Variants in RNF169 observed in about 807,000 individuals in gnomAD.
RNF169 encodes ring finger protein 169, also known as E3 ubiquitin-protein ligase RNF169.
RNF169 carries 24 observed loss-of-function variants against 53.9 expected under a neutral mutation model. The observed-to-expected ratio is 0.45, with a 90% CI of 0.32 to 0.63. The LOEUF (loss-of-function observed/expected upper bound fraction) is 0.63. Among genes scored for constraint, RNF169 ranks in the 20% least tolerant of loss-of-function variants. The probability of loss-of-function intolerance (pLI) is 0.04; values close to 1 mark genes in which losing one functional copy is unlikely to be tolerated. For synonymous variants in RNF169, 396 were observed against 363.5 expected, an observed-to-expected ratio of 1.09 and a Z score of -1.02; for missense variants, 883 against 906.2, an observed-to-expected ratio of 0.97 and a Z score of 0.33.
intron 3 of RNF169, among the ~76,000 whole-genome samples, chr11:74,810,704 A>T (rs1434724416): frequency 6.6e-6 from 1 of 152,172 alleles, no homozygotes; most frequent in Non-Finnish European, 1.5e-5. Context: ...CATGTATTTT[A>T]CTTTCCTTTA....
At chr11:74,764,403 C>T (rs7932182) in intron 1 of RNF169, among the ~76,000 whole-genome samples, 2,873 of 152,260 alleles carry the variant, frequency 0.019, 105 homozygotes, top group African/African-American at 0.066. Flanking sequence ...TGTGGTGGCG[C>T]ATGCCTGTAA....
chr11:74,748,906 G>C lies in RNF169; in HGVS notation c.26G>C (p.Arg9Pro). The C allele has an allele frequency of 1.4e-6, 2 of 1,443,034 alleles. No individual in the cohort carries two copies. The highest frequency in any genetic ancestry group is 1.8e-6 in the Non-Finnish European group (2 of 1,087,220). The allele number at this position is 1,443,034 out of a possible 1,614,324, so 89.4% of individuals were successfully genotyped here. Residue 9 changes from arginine (R) to proline (P), a missense_variant, in exon 1 of 6, where the codon CGG becomes CCG. Coordinates refer to ENST00000299563, the MANE Select transcript of RNF169 (RefSeq NM_001098638.2). Reference sequence around the variant, plus strand: ...ATGGCGGCTGCAGGTCCGAGTACTCGGGCCTCTTCCGCGGCGGCAGCAGCC... The same window carrying C: ...ATGGCGGCTGCAGGTCCGAGTACTCCGGCCTCTTCCGCGGCGGCAGCAGCC... Reference protein sequence around the residue: MAAAGPSTRASSAAAAAAL... With the variant: MAAAGPSTPASSAAAAAAL...
At chr11:74,768,135 G>A (rs2035202618) in intron 1 of RNF169, among the ~76,000 whole-genome samples, 2 of 152,172 alleles carry the variant, frequency 1.3e-5, no homozygotes, top group South Asian at 4.1e-4. Context: ...TTGGTATCAG[G>A]GTGGTTGAAT....
Position 74,836,330 on chromosome 11 carries a change from T to C in RNF169, c.1727T>C (p.Val576Ala), listed in dbSNP as rs1340598393. The C allele has an allele frequency of 1.2e-6, 2 of 1,614,148 alleles. No homozygotes were observed. Among genetic ancestry groups the C allele is most frequent in the Non-Finnish European group, 8.5e-7 (1 of 1,180,028 alleles). Residue 576 changes from valine to alanine, a missense_variant, in exon 6 of 6, where the codon GTG becomes GCG. Around this residue, in one of 3 missense-constraint regions of RNF169, gnomAD observed 351 missense variants for 337.3 expected, o/e 1.04. Coordinates refer to ENST00000299563, the MANE Select transcript of RNF169 (RefSeq NM_001098638.2). ...ATGAAAATCACCACAGTTAATTCAG[T>C]GCTACCCCAAAACAGTGTTTTGGGT... ...RAMKITTVNSVLPQNSVLGGV... is the reference protein window; with the variant it reads ...RAMKITTVNSALPQNSVLGGV...
chr11:74,819,532 TAGTA>T (rs967708587), intron 4 of RNF169, among the ~76,000 whole-genome samples: 13 of 152,320 alleles, frequency 8.5e-5, no homozygotes, highest in African/African-American at 2.9e-4. Context: ...GTCTGGCACT[TAGTA>T]AGGGCTCAGT....
intron 1 of RNF169, among the ~76,000 whole-genome samples, chr11:74,776,096 A>C (rs1232042820): frequency 6.6e-6 from 1 of 152,186 alleles, no homozygotes; most frequent in Non-Finnish European, 1.5e-5. Context: ...CTAAATTCTT[A>C]TTAATGATGC....
intron 1 of RNF169, among the ~76,000 whole-genome samples, chr11:74,754,504 G>A (rs527671918): frequency 2.6e-5 from 4 of 152,086 alleles, no homozygotes; most frequent in Non-Finnish European, 4.4e-5. Flanking sequence ...TTATCTTCGT[G>A]GTGTTAAAAG....
intron 5 of RNF169, 88 bp downstream of exon 5, chr11:74,834,863 GAGA>G: frequency 1.2e-6 from 1 of 828,822 alleles, no homozygotes; most frequent in Admixed American, 2.7e-5. Flanking sequence ...TATTCCAGAA[GAGA>G]AGAAGCAGAA....
intron 2 of RNF169, among the ~76,000 whole-genome samples, chr11:74,789,955 AC>A (rs1404420680): frequency 1.3e-5 from 2 of 152,248 alleles, no homozygotes; most frequent in Non-Finnish European, 2.9e-5. Flanking sequence ...AGCTGCAGTA[AC>A]TGGCCACCAG....
intron 1 of RNF169, 129 bp downstream of exon 1, chr11:74,749,511 C>A (rs2034851291): frequency 2.6e-6 from 2 of 760,884 alleles, no homozygotes; most frequent in East Asian, 9.6e-5. Context: ...GGATTAGAAC[C>A]CGGGCTCTAC....
At chr11:74,770,704 A>T (rs1343591052) in intron 1 of RNF169, among the ~76,000 whole-genome samples, 1 of 147,896 alleles carries the variant, frequency 6.8e-6, no homozygotes, top group Non-Finnish European at 1.5e-5. Flanking sequence ...ATTCTATAAT[A>T]AATGAATTAA....
rs140407738 is a variant in RNF169, at chr11:74,786,244, C to CTT, written c.503-3365_503-3364dup. Reference sequence around the variant, plus strand: ...GTGAGCCACTGTGCCTGGCCTGTTTCTTTTTTTTTTTTTTTTTTAAGAGTT... The same window carrying CTT: ...GTGAGCCACTGTGCCTGGCCTGTTTCTTTTTTTTTTTTTTTTTTTTAAGAGTT... On this transcript the variant is annotated intron_variant, in intron 1 of 5. Coordinates refer to ENST00000299563, the MANE Select transcript of RNF169 (RefSeq NM_001098638.2). 7.2e-4 allele frequency among the ~76,000 whole-genome samples: 94 copies of CTT among 131,346 alleles called. 1 individual carries two copies. Among genetic ancestry groups the CTT allele is most frequent in the South Asian group, 2.9e-3 (12 of 4,142 alleles). 86.2% of individuals were successfully genotyped at this position (131,346 alleles called of 152,430 possible).
chr11:74,813,224 A>C (rs1330340408), intron 3 of RNF169, among the ~76,000 whole-genome samples: 1 of 152,156 alleles, frequency 6.6e-6, no homozygotes, highest in Non-Finnish European at 1.5e-5. Context: ...ACTAGATTGT[A>C]AGTTTGTTGA....
chr11:74,836,355 T>A lies in RNF169; in HGVS notation c.1752T>A (p.Gly584=). 6.2e-7 allele frequency: 1 copy of A among 1,614,042 alleles called. No individual in the cohort carries two copies. ...TGCTACCCCAAAACAGTGTTTTGGG[T>A]GGAGTCCTCAAAACAAAGCAACAAT... The part of the protein sequence containing the change: ...NSVLPQNSVL[G]GVLKTKQQLK... Residue 584 remains glycine (G), a synonymous_variant, in exon 6 of 6, where the codon GGT becomes GGA. Transcript: ENST00000299563.
chr11:74,835,449 C>CGACAA (rs1368854488), intron 5 of RNF169, 97 bp from the exon 6 acceptor site: 3 of 888,920 alleles, frequency 3.4e-6, no homozygotes, highest in Non-Finnish European at 5.3e-6. Flanking sequence ...CTTTTCTTGT[C>CGACAA]CTCCCCTTCC....
At position 74,835,484 on chromosome 11, in the gene RNF169, A is replaced by G. The variant is rs540284733; in HGVS notation, c.943-62A>G. On this transcript the variant is annotated intron_variant, in intron 5 of 5. Coordinates refer to ENST00000299563, the MANE Select transcript of RNF169 (RefSeq NM_001098638.2). ...CCTGTGCCTCCACCATCATAAAGGA[A>G]TGATGAAGGAAAATGTATATGTATG... 1.2e-5 allele frequency: 16 copies of G among 1,280,698 alleles called. No individual in the cohort carries two copies. In the South Asian group the frequency reaches 1.8e-4, roughly 14 times the overall value. 79.3% of individuals were successfully genotyped at this position (1,280,698 alleles called of 1,614,324 possible).
chr11:74,824,052 G>A (rs181672697), intron 4 of RNF169, among the ~76,000 whole-genome samples: 1 of 152,220 alleles, frequency 6.6e-6, no homozygotes, highest in East Asian at 1.9e-4. Context: ...AAAAGAAACT[G>A]ATAGAAACTG....
chr11:74,768,754 T>C (rs112309916), intron 1 of RNF169, among the ~76,000 whole-genome samples: 3,562 of 152,056 alleles, frequency 0.023, 157 homozygotes, highest in African/African-American at 0.081. Context: ...ACATTAAAGT[T>C]AAAAATTGGG....
chr11:74,752,476 A>G (rs1057215679), intron 1 of RNF169, among the ~76,000 whole-genome samples: 1 of 151,678 alleles, frequency 6.6e-6, no homozygotes, highest in African/African-American at 2.4e-5. Context: ...ACACGCCTGT[A>G]GTTCCAGCTA....
Sources: gnomAD v4.1 joint callset for allele counts (sites outside exome capture counted in the v4.1 genomes callset) on GRCh38, gnomAD v4.1.1 for gene constraint, gnomAD v4.1.1 regional missense constraint, MANE v1.5 for transcripts, NCBI Gene and HGNC (gene_info 2026-07-23, HGNC 2026-07-21) for gene names.